HID1: variants seen among roughly 807,000 people sequenced by gnomAD.
HID1 encodes protein HID1.
Under a neutral mutation model 89.7 loss-of-function variants are expected in HID1, and 42 were observed. The observed-to-expected ratio is 0.47, with a 90% CI of 0.37 to 0.61. The LOEUF (loss-of-function observed/expected upper bound fraction) is 0.61. Among genes scored for constraint, HID1 ranks in the 20% least tolerant of loss-of-function variants. The pLI is 0.00. For missense variants in HID1, 854 were observed against 1,039.3 expected (o/e 0.82, Z 2.45); for synonymous variants, 442 against 433.8 (o/e 1.02, Z -0.24).
At chr17:74,963,971 G>C (rs2039524490) in intron 2 of HID1, 61 bp from the exon 3 acceptor site, 1 of 1,578,680 alleles carries the variant, frequency 6.3e-7, no homozygotes, top group African/African-American at 1.3e-5. Flanking sequence ...CCTGGCACTT[G>C]GGGTCAGGGT....
At chr17:74,971,383 G>T (rs992839713) in intron 1 of HID1, among the ~76,000 whole-genome samples, 1 of 152,242 alleles carries the variant, frequency 6.6e-6, no homozygotes, top group Non-Finnish European at 1.5e-5. Context: ...ATGGAGAGAA[G>T]TGCGGTCTGG....
chr17:74,953,072 T>C lies in HID1; in HGVS notation c.1986A>G (p.Ala662=), dbSNP rs2307011. The change falls in exon 16 of 19, where the codon GCA becomes GCG. Residue 662 remains alanine (A), a synonymous_variant. Coordinates refer to ENST00000425042, the MANE Select transcript of HID1 (RefSeq NM_030630.3). ...TGGACGGTCGCCGCTGCTCCCTCCA[T>C]GCCTGGCTGGGCTCCTGGCCCCCAG... ...GSPAKGEPSQ[A]WREQRRPSTS... is the part of the protein sequence containing the mutation. 92,621 of 1,605,890 alleles carry C rather than the reference T, an allele frequency of 0.058. 11,334 individuals carry two copies. Among genetic ancestry groups the C allele is most frequent in the East Asian group, 0.53 (23,466 of 44,450 alleles).
At position 74,954,233 on chromosome 17, in the gene HID1, C is replaced by T. The variant is rs200408906; in HGVS notation, c.1769G>A (p.Arg590His). Residue 590 changes from arginine (R) to histidine (H), a missense_variant, in exon 14 of 19, where the codon CGC becomes CAC. Coordinates refer to ENST00000425042, the MANE Select transcript of HID1 (RefSeq NM_030630.3). Reference sequence around the variant, plus strand: ...GGAGGTGCCCTCCTGGGAGCCGGTGCGAGACAAGGGCTCAGGTGTCCGCCG... The same window carrying T: ...GGAGGTGCCCTCCTGGGAGCCGGTGTGAGACAAGGGCTCAGGTGTCCGCCG... Reference protein sequence around the residue: ...RRRRTPEPLSRTGSQEGTSME... With the variant: ...RRRRTPEPLSHTGSQEGTSME... 70 of 1,594,304 alleles carry T rather than the reference C, an allele frequency of 4.4e-5. No individual in the cohort carries two copies. Among genetic ancestry groups the T allele is most frequent in the African/African-American group, 1.3e-4 (10 of 74,790 alleles).
chr17:74,969,343 G>A (rs776039999), intron 1 of HID1, among the ~76,000 whole-genome samples: 1 of 151,930 alleles, frequency 6.6e-6, no homozygotes, highest in Non-Finnish European at 1.5e-5. Flanking sequence ...CTGCCACGAC[G>A]CCCGGCTAAT....
Position 74,958,391 on chromosome 17 carries a change from T to G in HID1, c.1328A>C (p.Tyr443Ser). 1 of 1,611,418 alleles carries G rather than the reference T, an allele frequency of 6.2e-7. No individual in the cohort carries two copies. The highest frequency in any genetic ancestry group is 8.5e-7 in the Non-Finnish European group (1 of 1,178,992). The change falls in exon 11 of 19, where the codon TAC (tyrosine) becomes TCC (serine). Residue 443 changes from tyrosine (Y) to serine (S), a missense_variant. Physicochemically the swap from Tyr to Ser is moderately radical, Grantham distance 144 (BLOSUM62 -2). Coordinates refer to ENST00000425042, the MANE Select transcript of HID1 (RefSeq NM_030630.3). The surrounding 1 kb of genome is among the most constrained non-coding windows in gnomAD (Gnocchi z 5.2). Reference sequence around the variant, plus strand: ...GATGTCCATGGGCACGCGGATTGAGTAGGGTTTGTTCAGCCGCACCCCGAA... The same window carrying G: ...GATGTCCATGGGCACGCGGATTGAGGAGGGTTTGTTCAGCCGCACCCCGAA... ...RNFGVRLNKP[Y>S]SIRVPMDIPV...
rs1488815796 is a variant in HID1, at chr17:74,951,367, G to A, written c.*203C>T. 1.2e-5 allele frequency: 7 copies of A among 594,236 alleles called. No individual in the cohort carries two copies. The allele number at this position is 594,236 out of a possible 1,614,324, so 36.8% of individuals were successfully genotyped here. On this transcript the variant is annotated 3_prime_UTR_variant, in exon 19 of 19. Coordinates refer to ENST00000425042, the MANE Select transcript of HID1 (RefSeq NM_030630.3). ...ATAGCCCCAGAGATGGGGCTCCTGT[G>A]AGTCCAGCCTAGGGGTTGAGGGGGA...
At position 74,958,095 on chromosome 17, in the gene HID1, C is replaced by T. The variant is rs1384731191; in HGVS notation, c.1471+46G>A. 1.9e-6 allele frequency: 3 copies of T among 1,542,974 alleles called. No individual in the cohort carries two copies. Among genetic ancestry groups the T allele is most frequent in the Admixed American group, 1.9e-5 (1 of 51,844 alleles). ...AGTGGCAGGTTGGCCTGTGGCCTGA[C>T]ACCACCTGGTGGTGAGCGCGGGGAG... On this transcript the variant is annotated intron_variant, in intron 12 of 18. Coordinates refer to ENST00000425042, the MANE Select transcript of HID1 (RefSeq NM_030630.3). This position sits in a 1 kb window ranked among gnomAD's most constrained non-coding sequence, Gnocchi z 5.2.
chr17:74,960,383 G>C lies in HID1; in HGVS notation c.729-135C>G, dbSNP rs111788021. 902 of 746,278 alleles carry C rather than the reference G, an allele frequency of 1.2e-3. 3 individuals are homozygous for C. The highest frequency in any genetic ancestry group is 2.4e-3 in the Admixed American group (90 of 37,778). The allele number at this position is 746,278 out of a possible 1,614,324, so 46.2% of individuals were successfully genotyped here. A position where few individuals can be genotyped will look rare whatever the true frequency, so the allele number is the denominator to read the frequency against. On this transcript the variant is annotated intron_variant, in intron 6 of 18. Transcript: ENST00000425042. ...ACCACGTCAGGGAGTGGCTTGGAAA[G>C]AGTGGGTGTGGGAAGCCCAGAGCCA...
Position 74,960,156 on chromosome 17 carries a change from GAGA to G in HID1, c.818_820del (p.Phe273del). On this transcript the variant is annotated inframe_deletion, in exon 7 of 19. Transcript: ENST00000425042. Reference sequence around the variant, plus strand: ...CTCCACCAGGGGTTCCCGGTAGTCAGAGAAGAGCAGGTGGTTGTAGGGGATCCC... The same window carrying G: ...CTCCACCAGGGGTTCCCGGTAGTCAGAGAGCAGGTGGTTGTAGGGGATCCC... The G allele has an allele frequency of 1.2e-6, 2 of 1,614,060 alleles. No individual in the cohort carries two copies. The highest frequency in any genetic ancestry group is 1.7e-6 in the Non-Finnish European group (2 of 1,180,042).
In HID1 at chr17:74,953,027, C is replaced by A. The variant is rs1180385469; in HGVS notation, c.2031G>T (p.Gln677His). The A allele has an allele frequency of 1.2e-6, 2 of 1,608,676 alleles. No individual in the cohort carries two copies. Among genetic ancestry groups the A allele is most frequent in the African/African-American group, 2.7e-5 (2 of 74,852 alleles). ...TCACCCACTCTGGCGTTGGGCTCCA[C>A]TGCCCACTGGCTGATGAGGTGGACG... The part of the protein sequence containing the change: ...RRPSTSSASG[Q>H]WSPTPEWVLS... The change falls in exon 16 of 19, where the codon CAG (glutamine) becomes CAT (histidine). Residue 677 changes from glutamine to histidine, a missense_variant. Coordinates refer to ENST00000425042, the MANE Select transcript of HID1 (RefSeq NM_030630.3).
At chr17:74,956,387 G>T (rs2039390809) in intron 12 of HID1, among the ~76,000 whole-genome samples, 1 of 152,194 alleles carries the variant, frequency 6.6e-6, no homozygotes, top group Admixed American at 6.5e-5. Flanking sequence ...AGAACGTCAA[G>T]CTGCCATGTC....
At chr17:74,960,288 G>A in intron 6 of HID1, 40 bp from the exon 7 acceptor site, 1 of 1,557,576 alleles carries the variant, frequency 6.4e-7, no homozygotes, top group Non-Finnish European at 8.7e-7. Flanking sequence ...GGCTGCACTG[G>A]GGCCCAGCCC....
At chr17:74,957,995 T>A (rs2039416600) in intron 12 of HID1, 146 bp downstream of exon 12, 1 of 635,780 alleles carries the variant, frequency 1.6e-6, no homozygotes, top group Non-Finnish European at 2.7e-6. Context: ...ACCCTTTTTT[T>A]TTAATGTGGC....
chr17:74,959,834 T>C lies in HID1; in HGVS notation c.1008+47A>G, dbSNP rs1318462057. ...AGGATCCCCCATATCCCTGTCTCACTTGCATCCCCCTGCACCCTGCAAAGC... is the reference window on the plus strand; with the variant it reads ...AGGATCCCCCATATCCCTGTCTCACCTGCATCCCCCTGCACCCTGCAAAGC... On this transcript the variant is annotated intron_variant, in intron 8 of 18. Coordinates refer to ENST00000425042, the MANE Select transcript of HID1 (RefSeq NM_030630.3). This position sits in a 1 kb window ranked among gnomAD's most constrained non-coding sequence, Gnocchi z 4.6. The C allele has an allele frequency of 6.9e-6, 11 of 1,596,596 alleles. No homozygotes were observed. Among genetic ancestry groups the C allele is most frequent in the Admixed American group, 5.0e-5 (3 of 59,874 alleles).
At chr17:74,960,953 T>C (rs1440235677) in intron 6 of HID1, among the ~76,000 whole-genome samples, 3 of 120,262 alleles carry the variant, frequency 2.5e-5, no homozygotes, top group Non-Finnish European at 3.6e-5. Flanking sequence ...CCCCACCCCG[T>C]GCTCACGTGT....
In HID1 at chr17:74,955,945, G is replaced by A; in HGVS notation, c.1483C>T (p.Leu495Phe). 6.2e-7 allele frequency: 1 copy of A among 1,613,896 alleles called. No homozygotes were observed. Among genetic ancestry groups the A allele is most frequent in the Admixed American group, 1.7e-5 (1 of 60,008 alleles). Residue 495 changes from leucine (L) to phenylalanine (F), a missense_variant, in exon 13 of 19, where the codon CTC becomes TTC. Coordinates refer to ENST00000425042, the MANE Select transcript of HID1 (RefSeq NM_030630.3). Reference protein sequence around the residue: ...LTIVVNVSPYLKSLSMVTANK... With the variant: ...LTIVVNVSPYFKSLSMVTANK... ...GCAGTCACCATGGACAGGCTCTTGA[G>A]GTAGGGGGACACTGTAAGGGAGGGG... is the stretch of plus-strand genomic sequence containing the variant.
intron 16 of HID1, 34 bp from the exon 17 acceptor site, chr17:74,952,394 G>T: frequency 1.3e-6 from 2 of 1,555,218 alleles, no homozygotes; most frequent in Non-Finnish European, 1.8e-6. Context: ...GGCTGAGAAA[G>T]CAGCCCCCGG....
intron 6 of HID1, among the ~76,000 whole-genome samples, chr17:74,960,842 G>A (rs748635071): frequency 1.3e-5 from 2 of 152,164 alleles, no homozygotes; most frequent in African/African-American, 2.4e-5. Flanking sequence ...GAGGTCGACC[G>A]CCACCTGCCG....
chr17:74,952,237 AC>A (rs1348039984), intron 17 of HID1, 31 bp downstream of exon 17: 1 of 1,452,294 alleles, frequency 6.9e-7, no homozygotes, highest in African/African-American at 1.4e-5. Context: ...GGCCCCGCCC[AC>A]AACCCCCGGC....
Sources: allele counts gnomAD v4.1 joint callset (sites outside exome capture counted in the v4.1 genomes callset), GRCh38; gene constraint gnomAD v4.1.1; non-coding constraint Gnocchi (gnomAD v3.1); transcripts MANE v1.5; gene names NCBI Gene and HGNC (gene_info 2026-07-23, HGNC 2026-07-21).